Variants in ZNF268 observed in about 807,000 individuals in gnomAD.
The protein encoded by ZNF268 is zinc finger protein 268, also known as zinc finger protein 3.
ZNF268 carries 20 observed loss-of-function variants against 29.3 expected under a neutral mutation model. The ratio of observed to expected loss-of-function variants is 0.68; its 90% confidence interval spans 0.48 to 0.99. The LOEUF is 0.99. Ranked by LOEUF, ZNF268 falls within the 50% of genes least tolerant of loss-of-function variation. The pLI is 0.00. For missense variants in ZNF268, 1,240 were observed against 1,121.6 expected (o/e 1.11, Z -1.51); for synonymous variants, 429 against 376.9 (o/e 1.14, Z -1.60).
In ZNF268 at chr12:133,202,479, A is replaced by T. The variant is rs369394499; in HGVS notation, c.793A>T (p.Met265Leu). Residue 265 changes from methionine (M) to leucine (L), a missense_variant, in exon 6 of 6, where the codon ATG becomes TTG. Physicochemically the swap from Met to Leu is conservative, Grantham distance 15. Transcript: ENST00000536435. ...AACCGTCAATAAGAAATCGCAACTT[A>T]TGTGCCAACAAATGTATATGGGCGA... Reference protein sequence around the residue: ...GKTVNKKSQLMCQQMYMGEKP... With the variant: ...GKTVNKKSQLLCQQMYMGEKP... 17 of 1,612,204 alleles carry T rather than the reference A, an allele frequency of 1.1e-5. No individual in the cohort carries two copies. The African/African-American group carries it at 2.0e-4, about 19-fold the overall frequency.
At chr12:133,190,978 C>A (rs986502553) in intron 3 of ZNF268, among the ~76,000 whole-genome samples, 2 of 152,024 alleles carry the variant, frequency 1.3e-5, no homozygotes, top group African/African-American at 4.8e-5. Flanking sequence ...TACTGAAGGT[C>A]CCATATCTGA....
At chr12:133,196,999 T>C (rs993891591) in intron 5 of ZNF268, among the ~76,000 whole-genome samples, 2 of 151,388 alleles carry the variant, frequency 1.3e-5, no homozygotes, top group Non-Finnish European at 2.9e-5. Context: ...AAATTTTATT[T>C]TCCAGATTTT....
rs572005987 is a variant in ZNF268 at position 133,182,008 on chromosome 12, G to C, written c.11G>C (p.Arg4Thr). MAT[R>T]VRTASIWVPP... ...AAACTGACCGTAGGGATGGCCACCA[G>C]GGTCCGGACAGCTTCTATTTGGGTG... The change falls in exon 2 of 6, where the codon AGG (arginine) becomes ACG (threonine). Residue 4 changes from arginine to threonine, a missense_variant. Physicochemically the swap from Arg to Thr is moderately conservative, Grantham distance 71 (BLOSUM62 -1). Around this residue, in one of 3 missense-constraint regions of ZNF268, gnomAD observed 51 missense variants for 51.4 expected, o/e 0.99. Coordinates refer to ENST00000536435, the MANE Select transcript of ZNF268 (RefSeq NM_003415.3). 8.5e-5 allele frequency: 133 copies of C among 1,566,274 alleles called. 1 individual carries two copies. In the South Asian group the frequency reaches 1.4e-3, roughly 17 times the overall value.
intron 5 of ZNF268, among the ~76,000 whole-genome samples, chr12:133,192,884 C>T (rs1486451551): frequency 6.6e-6 from 1 of 152,214 alleles, no homozygotes; most frequent in Non-Finnish European, 1.5e-5. Flanking sequence ...TGGTCTCGAT[C>T]TCCTGACTTT....
chr12:133,201,797 A>G (rs541388405), intron 5 of ZNF268, among the ~76,000 whole-genome samples: 3 of 152,224 alleles, frequency 2.0e-5, no homozygotes, highest in African/African-American at 7.2e-5. Flanking sequence ...ATCCCTAATG[A>G]CATGTTTATA....
In ZNF268 at chr12:133,187,967, A is replaced by C; in HGVS notation, c.129A>C (p.Gln43His). 2 of 1,599,394 alleles carry C rather than the reference A, an allele frequency of 1.3e-6. No homozygotes were observed. Reference sequence around the variant, plus strand: ...TGGGCCAAGGGACTCCTGGTCTGCAACCTCTCCCTGGAACACCCAGGCAGA... The same window carrying C: ...TGGGCCAAGGGACTCCTGGTCTGCACCCTCTCCCTGGAACACCCAGGCAGA... Reference protein sequence around the residue: ...SILGQGTPGLQPLPGTPRQKQ... With the variant: ...SILGQGTPGLHPLPGTPRQKQ... Residue 43 changes from glutamine to histidine, a missense_variant, in exon 3 of 6, where the codon CAA becomes CAC. Transcript: ENST00000536435.
In ZNF268 at chr12:133,211,803, GTT is replaced by G. The variant is rs1357694109; in HGVS notation, c.*7275_*7276del. On this transcript the variant is annotated 3_prime_UTR_variant, in exon 6 of 6. Coordinates refer to ENST00000536435, the MANE Select transcript of ZNF268 (RefSeq NM_003415.3). Reference sequence around the variant, plus strand: ...AATAGTATAGCCACTTTGGAAGATAGTTTGACTTTTCCCCAAAGCTAAACAAA... The same window carrying G: ...AATAGTATAGCCACTTTGGAAGATAGTGACTTTTCCCCAAAGCTAAACAAA... 1 of 152,222 alleles carries G rather than the reference GTT, an allele frequency of 6.6e-6. No homozygotes were observed. The highest frequency in any genetic ancestry group is 1.5e-5 in the Non-Finnish European group (1 of 68,032). 9.4% of individuals were successfully genotyped at this position (152,222 alleles called of 1,614,324 possible). A position where few individuals can be genotyped will look rare whatever the true frequency, so the allele number is the denominator to read the frequency against.
Position 133,204,185 on chromosome 12 carries a change from C to T in ZNF268, c.2499C>T (p.Val833=). The T allele has an allele frequency of 6.5e-7, 1 of 1,540,692 alleles. No homozygotes were observed. Among genetic ancestry groups the T allele is most frequent in the Non-Finnish European group, 8.7e-7 (1 of 1,147,182 alleles). ...LIVHERTHAG[V]NPYKCSQCEK... ...TACATGAGCGAACTCATGCAGGGGT[C>T]AACCCTTATAAATGCAGTCAATGTG... Residue 833 remains valine, a synonymous_variant, in exon 6 of 6, where the codon GTC becomes GTT. Coordinates refer to ENST00000536435, the MANE Select transcript of ZNF268 (RefSeq NM_003415.3).
At chr12:133,182,119 G>A in intron 2 of ZNF268, 89 bp downstream of exon 2, 1 of 1,359,564 alleles carries the variant, frequency 7.4e-7, no homozygotes, top group Non-Finnish European at 1.0e-6. Context: ...AATTTGCCAG[G>A]AGCTTTCTCA....
chr12:133,192,070 C>T lies in ZNF268; in HGVS notation c.457+67C>T, dbSNP rs1956489176. On this transcript the variant is annotated intron_variant, in intron 5 of 5. Transcript: ENST00000536435. The stretch of plus-strand genomic sequence containing the variant: ...AGCATGAATTCCAATGTGATGTGCT[C>T]CTCTTGTTTGTACTTTGCCTCGTGT... 3.0e-6 allele frequency: 4 copies of T among 1,340,282 alleles called. No homozygotes were observed. In the African/African-American group the frequency reaches 4.4e-5, roughly 15 times the overall value. The allele number at this position is 1,340,282 out of a possible 1,614,324, so 83.0% of individuals were successfully genotyped here.
In ZNF268 at chr12:133,213,618, G is replaced by A. The variant is rs971008615; in HGVS notation, c.*9088G>A. 2 of 150,490 alleles carry A rather than the reference G, an allele frequency of 1.3e-5. No individual in the cohort carries two copies. The highest frequency in any genetic ancestry group is 4.9e-5 in the African/African-American group (2 of 40,746). The allele number at this position is 150,490 out of a possible 1,614,324, so 9.3% of individuals were successfully genotyped here. ...AGCTGAGGCAGGAGGATCGCTTGAA[G>A]CTGTGAGGTGGAGGTTGCAGTGAGC... is the stretch of plus-strand genomic sequence containing the variant. On this transcript the variant is annotated 3_prime_UTR_variant, in exon 6 of 6. Coordinates refer to ENST00000536435, the MANE Select transcript of ZNF268 (RefSeq NM_003415.3).
Position 133,203,913 on chromosome 12 carries a change from C to T in ZNF268, c.2227C>T (p.Gln743Ter). Residue 743 changes from glutamine to a stop codon, truncating the protein, a stop_gained, in exon 6 of 6, where the codon CAG becomes TAG. Transcript: ENST00000536435. LOFTEE classifies it low-confidence loss of function (END_TRUNC). ...FSFNSQLIVH[Q>*]RIHTGENPYE... The stretch of plus-strand genomic sequence containing the variant: ...TTTCAATTCACAACTCATTGTGCAT[C>T]AGAGAATTCACACAGGAGAAAATCC... 5 of 1,586,596 alleles carry T rather than the reference C, an allele frequency of 3.2e-6. No homozygotes were observed. The highest frequency in any genetic ancestry group is 4.3e-6 in the Non-Finnish European group (5 of 1,168,848).
Position 133,211,232 on chromosome 12 carries a change from C to T in ZNF268, c.*6702C>T, listed in dbSNP as rs1204260393. 1 of 354,848 alleles carries T rather than the reference C, an allele frequency of 2.8e-6. No individual in the cohort carries two copies. The highest frequency in any genetic ancestry group is 7.4e-5 in the East Asian group (1 of 13,526). 22.0% of individuals were successfully genotyped at this position (354,848 alleles called of 1,614,324 possible). A position where few individuals can be genotyped will look rare whatever the true frequency, so the allele number is the denominator to read the frequency against. Reference sequence around the variant, plus strand: ...ATAAAAAAAAAACCCTAAAATTGAACAAGAAGACAACCCAATTAAAAATGG... The same window carrying T: ...ATAAAAAAAAAACCCTAAAATTGAATAAGAAGACAACCCAATTAAAAATGG... On this transcript the variant is annotated 3_prime_UTR_variant, in exon 6 of 6. Transcript: ENST00000536435.
At position 133,181,935 on chromosome 12, in the gene ZNF268, C is replaced by T. The variant is rs761217405; in HGVS notation, c.-52-11C>T. The T allele has an allele frequency of 4.5e-6, 7 of 1,539,172 alleles. No individual in the cohort carries two copies. The South Asian group carries it at 6.0e-5, about 13-fold the overall frequency. On this transcript the variant is annotated splice_polypyrimidine_tract_variant and intron_variant, in intron 1 of 5. Coordinates refer to ENST00000536435, the MANE Select transcript of ZNF268 (RefSeq NM_003415.3). ...GGGTGACCTCTTTCTTCACTGTGCT[C>T]TCTCTTCTAGCATCCCTCGCGTCCT...
chr12:133,202,471 C>T lies in ZNF268; in HGVS notation c.785C>T (p.Ser262Leu), dbSNP rs147732606. 3.8e-4 allele frequency: 610 copies of T among 1,611,754 alleles called. 1 individual carries two copies. In the African/African-American group the frequency reaches 6.3e-3, roughly 17 times the overall value. ...IESGKTVNKK[S>L]QLMCQQMYMG... ...TCTGGAAAAACCGTCAATAAGAAAT[C>T]GCAACTTATGTGCCAACAAATGTAT... is the stretch of plus-strand genomic sequence containing the variant. Residue 262 changes from serine to leucine, a missense_variant, in exon 6 of 6, where the codon TCG becomes TTG. By Grantham distance (145) the Ser-to-Leu change is moderately radical. Transcript: ENST00000536435.
chr12:133,190,731 C>T (rs1442263136), intron 3 of ZNF268, among the ~76,000 whole-genome samples: 1 of 152,192 alleles, frequency 6.6e-6, no homozygotes, highest in Non-Finnish European at 1.5e-5. Flanking sequence ...TGTCAAATAG[C>T]ATTGCTTCCT....
At position 133,202,378 on chromosome 12, in the gene ZNF268, G is replaced by C. The variant is rs772630292; in HGVS notation, c.692G>C (p.Gly231Ala). ...AATCCTAATGGGTTTCAGGTACATG[G>C]AAAATCATTCTTCCATTCTAAACAT... ...RNNPNGFQVH[G>A]KSFFHSKHEQ... is the part of the protein sequence containing the mutation. Residue 231 changes from glycine (G) to alanine (A), a missense_variant, in exon 6 of 6, where the codon GGA becomes GCA. Gly to Ala is a moderately conservative substitution (Grantham distance 60). Transcript: ENST00000536435. 6.8e-6 allele frequency: 11 copies of C among 1,611,306 alleles called. No homozygotes were observed. The highest frequency in any genetic ancestry group is 9.3e-6 in the Non-Finnish European group (11 of 1,178,558).
intron 2 of ZNF268, among the ~76,000 whole-genome samples, chr12:133,184,281 A>G (rs1366448773): frequency 1.3e-5 from 2 of 150,270 alleles, no homozygotes; most frequent in African/African-American, 4.9e-5. Context: ...TTTTTTTTGT[A>G]TTTTTAGTAG....
At chr12:133,200,145 G>A (rs1445825916) in intron 5 of ZNF268, among the ~76,000 whole-genome samples, 3 of 152,104 alleles carry the variant, frequency 2.0e-5, no homozygotes, top group Non-Finnish European at 4.4e-5. Context: ...GATCTTTCCT[G>A]CTTTCCCTTG....
Sources: gnomAD v4.1 joint callset for allele counts (sites outside exome capture counted in the v4.1 genomes callset) on GRCh38, gnomAD v4.1.1 for gene constraint, gnomAD v4.1.1 regional missense constraint, MANE v1.5 for transcripts, NCBI Gene and HGNC (gene_info 2026-07-23, HGNC 2026-07-21) for gene names.